Variants in EYA1 observed in about 807,000 individuals in gnomAD.
EYA1 encodes EYA transcriptional coactivator and phosphatase 1.
In EYA1, 16 loss-of-function variants were observed where a neutral mutation model predicts 82.0. That is an observed-to-expected ratio of 0.20 (90% CI 0.13 to 0.30). The LOEUF (loss-of-function observed/expected upper bound fraction) is 0.30, where lower values mean the gene tolerates loss of function less well. Among genes scored for constraint, EYA1 ranks in the 10% least tolerant of loss-of-function variants. EYA1 has a pLI of 1.00. For missense variants in EYA1, 633 were observed against 730.7 expected (o/e 0.87, Z 1.54); for synonymous variants, 261 against 264.4 (o/e 0.99, Z 0.12).
intron 12 of EYA1, among the ~76,000 whole-genome samples, chr8:71,219,968 A>G (rs1404499642): frequency 6.6e-6 from 1 of 152,214 alleles, no homozygotes; most frequent in African/African-American, 2.4e-5. Context: ...TTTAAAACCC[A>G]GACAATGAGA....
At chr8:71,493,707 G>A (rs1356948549) in intron 2 of EYA1, among the ~76,000 whole-genome samples, 1 of 151,706 alleles carries the variant, frequency 6.6e-6, no homozygotes, top group Non-Finnish European at 1.5e-5. Context: ...GAAACTTTAT[G>A]TTGTGAAATA....
chr8:71,286,613 A>G (rs142478662), intron 9 of EYA1, among the ~76,000 whole-genome samples: 76 of 152,132 alleles, frequency 5.0e-4, no homozygotes, highest in Non-Finnish European at 9.4e-4. Flanking sequence ...AGAAATAGAC[A>G]TTTTCCTATG....
chr8:71,340,929 C>A (rs1825054183), intron 3 of EYA1, among the ~76,000 whole-genome samples: 2 of 152,230 alleles, frequency 1.3e-5, no homozygotes. Flanking sequence ...AGACACATTG[C>A]ACAGGACAAT....
At chr8:71,432,069 G>C (rs1421204558) in intron 2 of EYA1, among the ~76,000 whole-genome samples, 2 of 152,188 alleles carry the variant, frequency 1.3e-5, no homozygotes, top group African/African-American at 4.8e-5. Context: ...TCACTGGAAT[G>C]TCTCTTAGTT....
At chr8:71,224,805 G>A (rs1044356224) in intron 12 of EYA1, among the ~76,000 whole-genome samples, 1 of 152,162 alleles carries the variant, frequency 6.6e-6, no homozygotes, top group Non-Finnish European at 1.5e-5. Context: ...AAGGTCTTAA[G>A]GGAATGCTCT....
chr8:71,394,036 G>A (rs1829438181), intron 2 of EYA1, among the ~76,000 whole-genome samples: 1 of 152,146 alleles, frequency 6.6e-6, no homozygotes, highest in Non-Finnish European at 1.5e-5. Context: ...TTTCTCTGAT[G>A]GCCACTGATG....
At chr8:71,283,113 C>T (rs1818002745) in intron 9 of EYA1, among the ~76,000 whole-genome samples, 1 of 144,408 alleles carries the variant, frequency 6.9e-6, no homozygotes. Flanking sequence ...TTCTCTTCCT[C>T]CCTGCCTTTA....
intron 12 of EYA1, among the ~76,000 whole-genome samples, chr8:71,235,702 C>G (rs879498279): frequency 1.3e-5 from 2 of 152,136 alleles, no homozygotes; most frequent in African/African-American, 4.8e-5. Context: ...GTAGTTAGAA[C>G]TGTGCCTAGG....
chr8:71,263,183 G>A (rs746163569), intron 11 of EYA1, among the ~76,000 whole-genome samples: 2 of 152,028 alleles, frequency 1.3e-5, no homozygotes, highest in African/African-American at 4.8e-5. Flanking sequence ...AGGCTGAATC[G>A]CCCAGCCTCC....
chr8:71,240,577 G>A (rs749739540), intron 12 of EYA1, among the ~76,000 whole-genome samples: 3 of 152,278 alleles, frequency 2.0e-5, no homozygotes, highest in South Asian at 2.1e-4. Flanking sequence ...CAGGGGTAAC[G>A]GGTGACCCGA....
intron 7 of EYA1, among the ~76,000 whole-genome samples, chr8:71,312,244 C>T (rs933256751): frequency 6.6e-6 from 1 of 152,148 alleles, no homozygotes; most frequent in Non-Finnish European, 1.5e-5. Flanking sequence ...AAAGACCAAG[C>T]AACAACATTT....
chr8:71,426,387 G>T (rs1395849859), intron 2 of EYA1, among the ~76,000 whole-genome samples: 1 of 152,220 alleles, frequency 6.6e-6, no homozygotes, highest in Non-Finnish European at 1.5e-5. Context: ...TGATGTACAA[G>T]ATCTACCAAT....
intron 7 of EYA1, among the ~76,000 whole-genome samples, chr8:71,315,321 T>C (rs1049233606): frequency 9.2e-5 from 14 of 152,268 alleles, no homozygotes; most frequent in African/African-American, 3.4e-4. Context: ...TCTCAGTTTC[T>C]GTACTTAGCT....
In EYA1 at chr8:71,299,160, T is replaced by C. The variant is rs1344244290; in HGVS notation, c.713A>G (p.His238Arg). ...QYYNSSPYPA[H>R]YMTSSNTSPT... ...GCTGGTGTTGCTGCTGGTCATATAA[T>C]GTGCTGGATACGGTGAGCTGTTATA... The change falls in exon 9 of 18, where the codon CAT becomes CGT. Residue 238 changes from histidine (H) to arginine (R), a missense_variant. Physicochemically the swap from His to Arg is conservative, Grantham distance 29 (BLOSUM62 0). Transcript: ENST00000340726. The C allele has an allele frequency of 3.1e-6, 5 of 1,614,034 alleles. No homozygotes were observed. The highest frequency in any genetic ancestry group is 3.4e-6 in the Non-Finnish European group (4 of 1,180,028).
chr8:71,492,625 T>C (rs1241871179), intron 2 of EYA1, among the ~76,000 whole-genome samples: 2 of 151,972 alleles, frequency 1.3e-5, no homozygotes, highest in African/African-American at 2.4e-5. Context: ...CCACCACGCC[T>C]GGCTAATTTT....
chr8:71,331,616 A>G (rs1477128412), intron 4 of EYA1, among the ~76,000 whole-genome samples: 3 of 152,054 alleles, frequency 2.0e-5, no homozygotes, highest in Non-Finnish European at 4.4e-5. Context: ...ACCCATATAC[A>G]CAGGCCCATA....
intron 2 of EYA1, among the ~76,000 whole-genome samples, chr8:71,522,153 T>G (rs1357013268): frequency 6.6e-6 from 1 of 152,208 alleles, no homozygotes; most frequent in African/African-American, 2.4e-5. Flanking sequence ...TCATTAAAAT[T>G]ATATGCTAAA....
chr8:71,389,694 A>G (rs1829162839), intron 2 of EYA1, among the ~76,000 whole-genome samples: 1 of 152,226 alleles, frequency 6.6e-6, no homozygotes, highest in Non-Finnish European at 1.5e-5. Context: ...CTGGTGACAG[A>G]TACATGTTAA....
chr8:71,271,915 G>T lies in EYA1; in HGVS notation c.827-18C>A, dbSNP rs770573590. ...GCTGTACTCTGCAGGAATATAGGAAGGACTTTCATCTTTTATTTCCATCAC... is the reference window on the plus strand; with the variant it reads ...GCTGTACTCTGCAGGAATATAGGAATGACTTTCATCTTTTATTTCCATCAC... On this transcript the variant is annotated intron_variant, in intron 9 of 17. Coordinates refer to ENST00000340726, the MANE Select transcript of EYA1 (RefSeq NM_000503.6). 5 of 1,614,030 alleles carry T rather than the reference G, an allele frequency of 3.1e-6. No individual in the cohort carries two copies. Among genetic ancestry groups the T allele is most frequent in the Non-Finnish European group, 3.4e-6 (4 of 1,179,940 alleles).
Sources: allele counts gnomAD v4.1 joint callset (sites outside exome capture counted in the v4.1 genomes callset), GRCh38; gene constraint gnomAD v4.1.1; transcripts MANE v1.5; gene names NCBI Gene and HGNC (gene_info 2026-07-23, HGNC 2026-07-21).